PKHD1: variants seen among roughly 807,000 people sequenced by gnomAD.
PKHD1 encodes the protein PKHD1 ciliary IPT domain containing fibrocystin/polyductin.
PKHD1 carries 291 observed loss-of-function variants against 412.0 expected under a neutral mutation model. The observed-to-expected ratio is 0.71, with a 90% CI of 0.64 to 0.78. The LOEUF (loss-of-function observed/expected upper bound fraction) is 0.78, where lower values mean the gene tolerates loss of function less well. Ranked by LOEUF, PKHD1 falls within the 30% of genes least tolerant of loss-of-function variation. PKHD1 has a pLI of 0.00. For missense variants in PKHD1, 4,825 were observed against 4,950.7 expected (o/e 0.97, Z 0.76); for synonymous variants, 1,777 against 1,821.5 (o/e 0.98, Z 0.62).
Position 52,025,066 on chromosome 6 carries a change from T to C in PKHD1, c.4744A>G (p.Asn1582Asp). Residue 1582 changes from asparagine to aspartate, a missense_variant, in exon 32 of 67, where the codon AAT (asparagine) becomes GAT (aspartate). Asn to Asp is a conservative substitution (Grantham distance 23). Transcript: ENST00000371117. ...AGGCTTCCACCATGTAAGCTGAAAT[T>C]CTTAGGAAAATAATGAAACACTTGG... Reference protein sequence around the residue: ...MPQVFHYFPKNFSLHGGSLLT... With the variant: ...MPQVFHYFPKDFSLHGGSLLT... 3 of 1,614,114 alleles carry C rather than the reference T, an allele frequency of 1.9e-6. No homozygotes were observed. Among genetic ancestry groups the C allele is most frequent in the Non-Finnish European group, 2.5e-6 (3 of 1,180,024 alleles).
chr6:51,808,356 T>C (rs532999085), intron 52 of PKHD1, among the ~76,000 whole-genome samples: 1 of 151,984 alleles, frequency 6.6e-6, no homozygotes, highest in Non-Finnish European at 1.5e-5. Context: ...CTGGAAGACA[T>C]GGGTGAAGGG....
In PKHD1 at chr6:51,631,446, G is replaced by T. The variant is rs74727373; in HGVS notation, c.11665+1119C>A. Among the ~76,000 whole-genome samples, 15 of 152,252 alleles carry T rather than the reference G, an allele frequency of 9.9e-5. No homozygotes were observed. The East Asian group carries it at 2.9e-3, about 29-fold the overall frequency. Reference sequence around the variant, plus strand: ...AAATACAGAAAATGTATCCAGTGGAGCCTCCTTTCCCAAGCATCTCTCAGA... The same window carrying T: ...AAATACAGAAAATGTATCCAGTGGATCCTCCTTTCCCAAGCATCTCTCAGA... On this transcript the variant is annotated intron_variant, in intron 65 of 66. Coordinates refer to ENST00000371117, the MANE Select transcript of PKHD1 (RefSeq NM_138694.4).
At position 52,050,482 on chromosome 6, in the gene PKHD1, A is replaced by G. The variant is rs958516245; in HGVS notation, c.2141-187T>C. On this transcript the variant is annotated intron_variant, in intron 21 of 66. Transcript: ENST00000371117. ...GAGGATAAGCCATTCAGTTTAGTACAAAAAGGAAAGTGCAAGGTCCTGATT... is the reference window on the plus strand; with the variant it reads ...GAGGATAAGCCATTCAGTTTAGTACGAAAAGGAAAGTGCAAGGTCCTGATT... 7.9e-5 allele frequency among the ~76,000 whole-genome samples: 12 copies of G among 152,250 alleles called. No individual in the cohort carries two copies. In the South Asian group the frequency reaches 1.7e-3, roughly 21 times the overall value.
At chr6:51,636,184 A>T (rs1243521380) in intron 64 of PKHD1, among the ~76,000 whole-genome samples, 1 of 152,184 alleles carries the variant, frequency 6.6e-6, no homozygotes, top group Non-Finnish European at 1.5e-5. Context: ...CTAAAATAGG[A>T]ATAATAATTT....
chr6:51,649,604 A>T (rs1770617585), intron 61 of PKHD1, among the ~76,000 whole-genome samples: 1 of 152,184 alleles, frequency 6.6e-6, no homozygotes, highest in Non-Finnish European at 1.5e-5. Context: ...AAGCTATTAA[A>T]TCAGCTTCCC....
At chr6:51,707,110 A>G (rs1273035074) in intron 60 of PKHD1, among the ~76,000 whole-genome samples, 2 of 152,220 alleles carry the variant, frequency 1.3e-5, no homozygotes, top group Middle Eastern at 3.2e-3. Context: ...TAAATAAGAA[A>G]TCATTGCTAC....
At chr6:51,819,027 T>A (rs1295071965) in intron 52 of PKHD1, among the ~76,000 whole-genome samples, 1 of 152,230 alleles carries the variant, frequency 6.6e-6, no homozygotes, top group African/African-American at 2.4e-5. Context: ...GAAGACTTAA[T>A]CTTCCTAATA....
chr6:51,823,358 G>T (rs1446179222), intron 52 of PKHD1, among the ~76,000 whole-genome samples: 1 of 152,126 alleles, frequency 6.6e-6, no homozygotes, highest in African/African-American at 2.4e-5. Flanking sequence ...GGGGACGTGT[G>T]CCCCTCCTAG....
intron 48 of PKHD1, among the ~76,000 whole-genome samples, chr6:51,866,508 C>T (rs1317610895): frequency 6.6e-6 from 1 of 152,098 alleles, no homozygotes; most frequent in Non-Finnish European, 1.5e-5. Context: ...AGAGCAAATG[C>T]TCAAACAAGT....
At chr6:51,899,327 T>G (rs1179961172) in intron 43 of PKHD1, among the ~76,000 whole-genome samples, 1 of 151,668 alleles carries the variant, frequency 6.6e-6, no homozygotes, top group African/African-American at 2.4e-5. Context: ...CATGATCAAG[T>G]GGGCTTCATC....
At chr6:52,028,550 C>A (rs541351065) in intron 29 of PKHD1, among the ~76,000 whole-genome samples, 199 bp from the exon 30 acceptor site, 6 of 147,018 alleles carry the variant, frequency 4.1e-5, no homozygotes, top group African/African-American at 1.5e-4. Flanking sequence ...AGGTCTCATT[C>A]TGTCACCCAG....
In PKHD1 at chr6:52,024,480, G is replaced by A. The variant is rs1801841691; in HGVS notation, c.5236+94C>T. On this transcript the variant is annotated intron_variant, in intron 32 of 66. Transcript: ENST00000371117. The stretch of plus-strand genomic sequence containing the variant: ...AGTGGGCTTCTCTTTCCTTCCATCA[G>A]GCAGATTGTGTTAATTTTCTACTTT... The A allele has an allele frequency of 5.9e-6, 7 of 1,188,824 alleles. No individual in the cohort carries two copies. The East Asian group carries it at 1.6e-4, about 28-fold the overall frequency. 73.6% of individuals were successfully genotyped at this position (1,188,824 alleles called of 1,614,324 possible). A position where few individuals can be genotyped will look rare whatever the true frequency, so the allele number is the denominator to read the frequency against.
intron 10 of PKHD1, 51 bp downstream of exon 10, chr6:52,070,355 G>C (rs1235000301): frequency 4.8e-6 from 5 of 1,049,960 alleles, no homozygotes; most frequent in Non-Finnish European, 7.5e-6. Context: ...GAGAGAGATA[G>C]GTAATATAAA....
chr6:51,823,216 G>C (rs1043437209), intron 52 of PKHD1, among the ~76,000 whole-genome samples: 7 of 152,142 alleles, frequency 4.6e-5, no homozygotes, highest in Non-Finnish European at 8.8e-5. Context: ...ACACCTCTGG[G>C]AGACTGAGGT....
intron 35 of PKHD1, among the ~76,000 whole-genome samples, chr6:51,996,044 C>T (rs774796095): frequency 7.3e-5 from 11 of 151,270 alleles, no homozygotes; most frequent in South Asian, 2.1e-4. Context: ...CTCGCTCCGT[C>T]GCCCAGACTG....
intron 31 of PKHD1, among the ~76,000 whole-genome samples, chr6:52,026,508 T>G (rs979524114): frequency 2.0e-5 from 3 of 152,232 alleles, no homozygotes; most frequent in African/African-American, 4.8e-5. Flanking sequence ...TTTCTTAGTC[T>G]TCTTATCATG....
intron 60 of PKHD1, among the ~76,000 whole-genome samples, chr6:51,699,039 C>T (rs546343993): frequency 3.0e-4 from 46 of 152,294 alleles, no homozygotes; most frequent in African/African-American, 8.9e-4. Context: ...TCTAAGTAAG[C>T]CTCAGTTGGT....
Position 51,748,075 on chromosome 6 carries a change from C to T in PKHD1, c.9541G>A (p.Ala3181Thr), listed in dbSNP as rs747518187. 1 of 1,613,970 alleles carries T rather than the reference C, an allele frequency of 6.2e-7. No homozygotes were observed. The highest frequency in any genetic ancestry group is 8.5e-7 in the Non-Finnish European group (1 of 1,179,906). The change falls in exon 58 of 67, where the codon GCA becomes ACA. Residue 3181 changes from alanine (A) to threonine (T), a missense_variant. By Grantham distance (58) the Ala-to-Thr change is moderately conservative (BLOSUM62 0). Coordinates refer to ENST00000371117, the MANE Select transcript of PKHD1 (RefSeq NM_138694.4). Reference protein sequence around the residue: ...TLVDNTIGLLAVVYVFSAPQN... With the variant: ...TLVDNTIGLLTVVYVFSAPQN... The stretch of plus-strand genomic sequence containing the variant: ...GGAGCAGAAAATACATACACTACTG[C>T]CAAAAGACCAATAGTATTGTCTACC...
At chr6:52,037,317 G>C (rs1804113789) in intron 27 of PKHD1, among the ~76,000 whole-genome samples, 1 of 151,962 alleles carries the variant, frequency 6.6e-6, no homozygotes, top group African/African-American at 2.4e-5. Flanking sequence ...TAATTTCAGA[G>C]TTGCAAAGTC....
Sources: gnomAD v4.1 joint callset for allele counts (sites outside exome capture counted in the v4.1 genomes callset) on GRCh38, gnomAD v4.1.1 for gene constraint, MANE v1.5 for transcripts, NCBI Gene and HGNC (gene_info 2026-07-23, HGNC 2026-07-21) for gene names.